QTMAN: variants seen among roughly 807,000 people sequenced by gnomAD.
The protein encoded by QTMAN is tRNA-queuosine alpha-mannosyltransferase.
chr2:143,998,218 C>T, the QTMAN span, among the ~76,000 whole-genome samples: 1 of 152,000 alleles, frequency 6.6e-6, no homozygotes, highest in Non-Finnish European at 1.5e-5. Flanking sequence ...TAAAAAAGGA[C>T]AGCAAAAAGA....
At chr2:144,225,890 A>G in the QTMAN span, among the ~76,000 whole-genome samples, 2 of 152,198 alleles carry the variant, frequency 1.3e-5, no homozygotes, top group African/African-American at 4.8e-5. Flanking sequence ...TCAGATCTCA[A>G]TTCCTTGGCA....
At chr2:144,248,341 A>G in the QTMAN span, among the ~76,000 whole-genome samples, 1 of 152,246 alleles carries the variant, frequency 6.6e-6, no homozygotes, top group Non-Finnish European at 1.5e-5. Flanking sequence ...ACATGAAAAT[A>G]TGAATGGTAA....
chr2:144,253,198 C>T, the QTMAN span, among the ~76,000 whole-genome samples: 5 of 152,106 alleles, frequency 3.3e-5, no homozygotes, highest in African/African-American at 4.8e-5. Context: ...TTTCGCCTTC[C>T]GCCATAATGG....
the QTMAN span, among the ~76,000 whole-genome samples, chr2:144,121,894 T>C: frequency 2.6e-5 from 4 of 152,106 alleles, no homozygotes; most frequent in East Asian, 1.9e-4. Flanking sequence ...AAAAAGATGA[T>C]GGTGATGAAT....
chr2:144,179,339 G>A, the QTMAN span, among the ~76,000 whole-genome samples: 1 of 152,116 alleles, frequency 6.6e-6, no homozygotes, highest in Non-Finnish European at 1.5e-5. Context: ...ATTTCCACAT[G>A]TTAATTGAAA....
At chr2:144,315,393 C>G in the QTMAN span, among the ~76,000 whole-genome samples, 1 of 152,176 alleles carries the variant, frequency 6.6e-6, no homozygotes, top group South Asian at 2.1e-4. Flanking sequence ...ATAGAAATAT[C>G]CATAAATGTT....
At chr2:143,939,696 A>T in the QTMAN span, 1 of 152,160 alleles carries the variant, frequency 6.6e-6, no homozygotes, top group Admixed American at 6.5e-5. Context: ...GCACCAAATA[A>T]ATTAAAATCT....
the QTMAN span, among the ~76,000 whole-genome samples, chr2:143,962,161 T>C: frequency 2.6e-5 from 4 of 152,108 alleles, no homozygotes; most frequent in Non-Finnish European, 5.9e-5. Flanking sequence ...ATAAGTGATA[T>C]ATATATCACT....
chr2:144,307,187 T>A, the QTMAN span, among the ~76,000 whole-genome samples: 1,214 of 76,534 alleles, frequency 0.016, no homozygotes, highest in African/African-American at 0.018. Flanking sequence ...AAAAAAACAA[T>A]TAAAAAAAAA....
chr2:143,991,281 G>A, the QTMAN span, among the ~76,000 whole-genome samples: 1 of 152,186 alleles, frequency 6.6e-6, no homozygotes, highest in Admixed American at 6.5e-5. Context: ...ATTAAAAGAA[G>A]TGGATTTCTA....
At chr2:143,970,539 G>A in the QTMAN span, 1 of 702,636 alleles carries the variant, frequency 1.4e-6, no homozygotes, top group Middle Eastern at 3.4e-4. Flanking sequence ...TAATCTTTTG[G>A]TTAACAGTGC....
chr2:144,152,908 G>A, the QTMAN span, among the ~76,000 whole-genome samples: 1 of 152,214 alleles, frequency 6.6e-6, no homozygotes, highest in Admixed American at 6.5e-5. Context: ...AAAGCAGTGT[G>A]AGATTGATTA....
chr2:144,177,289 C>T, the QTMAN span: 1 of 634,818 alleles, frequency 1.6e-6, no homozygotes, highest in Non-Finnish European at 2.8e-6. Context: ...TTATTTTAAA[C>T]TAGACAAACT....
At chr2:144,026,905 T>C in the QTMAN span, among the ~76,000 whole-genome samples, 2 of 152,336 alleles carry the variant, frequency 1.3e-5, no homozygotes, top group East Asian at 3.9e-4. Context: ...CCCTATTTTG[T>C]CTGTATCAGC....
chr2:144,240,102 G>A, the QTMAN span, among the ~76,000 whole-genome samples: 3 of 152,158 alleles, frequency 2.0e-5, no homozygotes, highest in African/African-American at 7.2e-5. Flanking sequence ...TTAAATTAGA[G>A]GTAATAGTGT....
chr2:144,018,858 A>G, the QTMAN span, among the ~76,000 whole-genome samples: 1 of 152,158 alleles, frequency 6.6e-6, no homozygotes, highest in Non-Finnish European at 1.5e-5. Context: ...CCAGCCCTAG[A>G]AAGGGAGTTA....
the QTMAN span, among the ~76,000 whole-genome samples, chr2:144,083,796 C>A: frequency 7.0e-6 from 1 of 142,924 alleles, no homozygotes; most frequent in Non-Finnish European, 1.5e-5. Flanking sequence ...TCGCCTCACC[C>A]AGCCCGAAGT....
chr2:144,019,886 G>A, the QTMAN span, among the ~76,000 whole-genome samples: 3 of 152,178 alleles, frequency 2.0e-5, no homozygotes, highest in Non-Finnish European at 4.4e-5. Context: ...CTGACTTAGT[G>A]AAACTGAAAT....
the QTMAN span, chr2:144,128,200 T>C: frequency 6.6e-6 from 1 of 152,046 alleles, no homozygotes; most frequent in Non-Finnish European, 1.5e-5. Context: ...TCACTCAGGA[T>C]CTGTGGTATC....
Sources: allele counts gnomAD v4.1 joint callset (sites outside exome capture counted in the v4.1 genomes callset), GRCh38; gene constraint gnomAD v4.1.1; transcripts MANE v1.5; gene names NCBI Gene and HGNC (gene_info 2026-07-23, HGNC 2026-07-21).